C1orf105: variants seen among roughly 807,000 people sequenced by gnomAD.
The protein encoded by C1orf105 is uncharacterized protein C1orf105.
C1orf105 carries 17 observed loss-of-function variants against 20.8 expected under a neutral mutation model. That is an observed-to-expected ratio of 0.82 (90% CI 0.56 to 1.23). The LOEUF (loss-of-function observed/expected upper bound fraction) is 1.23, where lower values mean the gene tolerates loss of function less well. Among genes scored for constraint, C1orf105 ranks in the 50% most tolerant of loss-of-function variants. The probability of loss-of-function intolerance (pLI) is 0.00; values close to 1 mark genes in which losing one functional copy is unlikely to be tolerated. For synonymous variants in C1orf105, 72 were observed against 72.1 expected, an observed-to-expected ratio of 1.00 and a Z score of 0.01; for missense variants, 219 against 213.5, an observed-to-expected ratio of 1.03 and a Z score of -0.16.
intron 1 of C1orf105, chr1:172,441,414 T>C: frequency 4.5e-6 from 1 of 222,456 alleles, no homozygotes; most frequent in Non-Finnish European, 8.8e-6. Context: ...TTCATGCCCC[T>C]CTGTCTGCCT....
chr1:172,435,726 G>A (rs933278928), intron 1 of C1orf105, among the ~76,000 whole-genome samples: 6 of 152,284 alleles, frequency 3.9e-5, no homozygotes, highest in African/African-American at 1.4e-4. Flanking sequence ...ATTCAACATA[G>A]TGTTGGAAGT....
At chr1:172,429,873 T>C (rs2071822798) in intron 1 of C1orf105, among the ~76,000 whole-genome samples, 1 of 152,198 alleles carries the variant, frequency 6.6e-6, no homozygotes, top group Non-Finnish European at 1.5e-5. Context: ...ATCCCTCCCA[T>C]ACCAACTTTA....
At chr1:172,465,558 G>A in intron 6 of C1orf105, 195 bp downstream of exon 6, 1 of 676,428 alleles carries the variant, frequency 1.5e-6, no homozygotes. Flanking sequence ...CACCACCTGT[G>A]CCCTCCTCAG....
rs77276691 is a variant in C1orf105 at position 172,454,842 on chromosome 1, G to C, written c.199-1573G>C. The stretch of plus-strand genomic sequence containing the variant: ...ACACCATCATACTTCTTGATGTATA[G>C]GCTACTGGATGGTGAGCAGCTTGAG... On this transcript the variant is annotated intron_variant, in intron 3 of 6. Coordinates refer to ENST00000367727, the MANE Select transcript of C1orf105 (RefSeq NM_139240.4). Among the ~76,000 whole-genome samples, 552 of 152,224 alleles carry C rather than the reference G, an allele frequency of 3.6e-3. 13 individuals are homozygous for C. The East Asian group carries it at 0.085, about 24-fold the overall frequency.
chr1:172,420,788 C>A lies in C1orf105; in HGVS notation c.-98C>A. The A allele has an allele frequency of 8.1e-7, 1 of 1,241,222 alleles. No homozygotes were observed. The highest frequency in any genetic ancestry group is 1.2e-6 in the Non-Finnish European group (1 of 862,982). 76.9% of individuals were successfully genotyped at this position (1,241,222 alleles called of 1,614,324 possible). A position where few individuals can be genotyped will look rare whatever the true frequency, so the allele number is the denominator to read the frequency against. ...CTCCTAACAAAAAACACTTTGGATT[C>A]AGGTTCTCCACAGCAGTCTTCCACT... On this transcript the variant is annotated 5_prime_UTR_variant, in exon 1 of 7. Coordinates refer to ENST00000367727, the MANE Select transcript of C1orf105 (RefSeq NM_139240.4).
intron 1 of C1orf105, among the ~76,000 whole-genome samples, chr1:172,422,171 C>T (rs1457600322): frequency 6.6e-6 from 1 of 152,176 alleles, no homozygotes; most frequent in Non-Finnish European, 1.5e-5. Context: ...TAAGTGCTTA[C>T]AGCACCCCTC....
chr1:172,438,055 T>C (rs1044630058), intron 1 of C1orf105, among the ~76,000 whole-genome samples: 2 of 152,070 alleles, frequency 1.3e-5, no homozygotes, highest in East Asian at 1.9e-4. Context: ...CAATAAAGCA[T>C]GGATAGCAGC....
At chr1:172,455,690 TAC>T (rs1343418633) in intron 3 of C1orf105, among the ~76,000 whole-genome samples, 3 of 152,312 alleles carry the variant, frequency 2.0e-5, no homozygotes, top group African/African-American at 7.2e-5. Context: ...AACCAGTGGT[TAC>T]AGTGAGCAGA....
At chr1:172,460,193 C>T (rs1197624304) in intron 4 of C1orf105, among the ~76,000 whole-genome samples, 4 of 152,092 alleles carry the variant, frequency 2.6e-5, no homozygotes, top group African/African-American at 9.7e-5. Flanking sequence ...ACTTATGATA[C>T]ATGATATCAT....
At chr1:172,433,064 A>AG (rs1222699926) in intron 1 of C1orf105, among the ~76,000 whole-genome samples, 1 of 152,252 alleles carries the variant, frequency 6.6e-6, no homozygotes, top group Non-Finnish European at 1.5e-5. Flanking sequence ...ACAAGTTTAG[A>AG]GAAAAAAGAG....
intron 3 of C1orf105, 64 bp from the exon 4 acceptor site, chr1:172,456,351 A>G: frequency 7.1e-7 from 1 of 1,400,056 alleles, no homozygotes. Context: ...CTGCTTTCCT[A>G]CATCTTTGCT....
At chr1:172,450,718 C>A (rs983630923) in intron 3 of C1orf105, among the ~76,000 whole-genome samples, 1 of 152,334 alleles carries the variant, frequency 6.6e-6, no homozygotes, top group African/African-American at 2.4e-5. Context: ...TCCTCCCCTG[C>A]CCCGGAGCAG....
chr1:172,467,540 A>G (rs534093180), intron 6 of C1orf105, among the ~76,000 whole-genome samples: 2 of 152,272 alleles, frequency 1.3e-5, no homozygotes, highest in Admixed American at 6.5e-5. Context: ...ACCACCTGGC[A>G]TGGTGGTATG....
chr1:172,442,177 A>G, intron 1 of C1orf105: 1 of 1,613,966 alleles, frequency 6.2e-7, no homozygotes, highest in East Asian at 2.2e-5. Context: ...CATGGCATAG[A>G]TGGTGTCAGT....
intron 1 of C1orf105, among the ~76,000 whole-genome samples, chr1:172,431,793 C>T (rs1187810722): frequency 6.6e-6 from 1 of 152,240 alleles, no homozygotes; most frequent in African/African-American, 2.4e-5. Context: ...GGCATCGCCT[C>T]ACCTGGATTG....
Position 172,445,426 on chromosome 1 carries a change from T to C in C1orf105, c.107+268T>C, listed in dbSNP as rs544813176. Among the ~76,000 whole-genome samples the C allele has an allele frequency of 7.9e-5, 12 of 152,300 alleles. No homozygotes were observed. In the South Asian group the frequency reaches 2.5e-3, roughly 32 times the overall value. On this transcript the variant is annotated intron_variant, in intron 2 of 6. Transcript: ENST00000367727. Reference sequence around the variant, plus strand: ...AAGATAATTTTTCCCCTAGACACTGTCTCTCAAAACACTTCCATCCTCTTT... The same window carrying C: ...AAGATAATTTTTCCCCTAGACACTGCCTCTCAAAACACTTCCATCCTCTTT...
intron 4 of C1orf105, among the ~76,000 whole-genome samples, chr1:172,460,831 C>A (rs1191651183): frequency 6.6e-6 from 1 of 152,140 alleles, no homozygotes; most frequent in African/African-American, 2.4e-5. Flanking sequence ...TCAGGGTTTT[C>A]AAGAATGAAT....
At chr1:172,436,342 T>C (rs916620013) in intron 1 of C1orf105, among the ~76,000 whole-genome samples, 4 of 152,198 alleles carry the variant, frequency 2.6e-5, no homozygotes, top group Non-Finnish European at 5.9e-5. Flanking sequence ...CTTCAAACTA[T>C]ACTACAAGGC....
intron 1 of C1orf105, chr1:172,442,781 G>A: frequency 3.1e-6 from 2 of 637,550 alleles, no homozygotes; most frequent in Admixed American, 5.8e-5. Flanking sequence ...CAGGGGCTAG[G>A]CCTACAATAG....
Sources: gnomAD v4.1 joint callset for allele counts (sites outside exome capture counted in the v4.1 genomes callset) on GRCh38, gnomAD v4.1.1 for gene constraint, MANE v1.5 for transcripts, NCBI Gene and HGNC (gene_info 2026-07-23, HGNC 2026-07-21) for gene names.